ANXA13: variants seen among roughly 807,000 people sequenced by gnomAD.
ANXA13 encodes the protein annexin A13.
Under a neutral mutation model 46.6 loss-of-function variants are expected in ANXA13, and 36 were observed. The ratio of observed to expected loss-of-function variants is 0.77; its 90% CI spans 0.59 to 1.02. The LOEUF is 1.02. Ranked by LOEUF, ANXA13 falls within the 50% of genes least tolerant of loss-of-function variation. The pLI, the probability that ANXA13 is intolerant of heterozygous loss-of-function variation, is 0.00. For missense variants in ANXA13, 417 were observed against 396.5 expected, an observed-to-expected ratio of 1.05 and a Z score of -0.44; for synonymous variants, 163 against 152.9, an observed-to-expected ratio of 1.07 and a Z score of -0.49.
rs1335922629 is a variant in ANXA13 at position 123,688,959 on chromosome 8, C to A, written c.643-13G>T. ...CTTTGCCAATGAGCTGCAGCGAAAA[C>A]CAAAATCAACTGTTATTCCAGGTTT... is the stretch of plus-strand genomic sequence containing the variant. On this transcript the variant is annotated splice_polypyrimidine_tract_variant and intron_variant, in intron 8 of 10. Coordinates refer to ENST00000419625, the MANE Select transcript of ANXA13 (RefSeq NM_004306.4). The A allele has an allele frequency of 1.9e-6, 3 of 1,613,114 alleles. No individual in the cohort carries two copies. Among genetic ancestry groups the A allele is most frequent in the Non-Finnish European group, 2.5e-6 (3 of 1,179,384 alleles).
intron 2 of ANXA13, among the ~76,000 whole-genome samples, chr8:123,708,487 C>A (rs1048746220): frequency 6.6e-6 from 1 of 152,180 alleles, no homozygotes; most frequent in East Asian, 1.9e-4. Flanking sequence ...CTGCAGCCCC[C>A]GCTCTGGTGC....
chr8:123,735,933 C>G, intron 1 of ANXA13: 1 of 1,517,794 alleles, frequency 6.6e-7, no homozygotes, highest in South Asian at 1.3e-5. Context: ...AGGCCAGCTG[C>G]TCCCTAGGTT....
chr8:123,709,427 T>C lies in ANXA13; in HGVS notation c.91+3251A>G, dbSNP rs563215735. Among the ~76,000 whole-genome samples, 28 of 151,670 alleles carry C rather than the reference T, an allele frequency of 1.8e-4. No homozygotes were observed. The East Asian group carries it at 5.3e-3, about 28-fold the overall frequency. ...CTTCTCTCTTTCTCTTCTCTCTCCCTATCTTCTTTCTTTTCCTCCCTCCTT... is the reference window on the plus strand; with the variant it reads ...CTTCTCTCTTTCTCTTCTCTCTCCCCATCTTCTTTCTTTTCCTCCCTCCTT... On this transcript the variant is annotated intron_variant, in intron 2 of 10. Coordinates refer to ENST00000419625, the MANE Select transcript of ANXA13 (RefSeq NM_004306.4).
chr8:123,693,596 C>A, intron 7 of ANXA13, 115 bp downstream of exon 7: 1 of 908,796 alleles, frequency 1.1e-6, no homozygotes. Flanking sequence ...CTAAGCATAT[C>A]TTTGTTTCTT....
chr8:123,706,224 CTA>C (rs1257844321), intron 2 of ANXA13, among the ~76,000 whole-genome samples: 2 of 152,224 alleles, frequency 1.3e-5, no homozygotes, highest in African/African-American at 2.4e-5. Flanking sequence ...ATTACTCATT[CTA>C]TGACACTATT....
At chr8:123,684,748 T>C (rs746188885) in intron 9 of ANXA13, 26 bp from the exon 10 acceptor site, 9 of 1,545,284 alleles carry the variant, frequency 5.8e-6, no homozygotes, top group Non-Finnish European at 8.1e-6. Flanking sequence ...GAAAAGAGAA[T>C]GTGAGGCTTT....
intron 8 of ANXA13, 125 bp downstream of exon 8, chr8:123,693,072 G>A (rs967612352): frequency 3.2e-5 from 25 of 787,670 alleles, no homozygotes; most frequent in African/African-American, 2.8e-4. Flanking sequence ...TAGGAAAATC[G>A]CCTCCAATTG....
At chr8:123,698,587 G>C (rs1421599048) in intron 3 of ANXA13, 28 bp from the exon 4 acceptor site, 1 of 1,611,290 alleles carries the variant, frequency 6.2e-7, no homozygotes, top group Non-Finnish European at 8.5e-7. Flanking sequence ...GAGACGTGCT[G>C]GGAATGGCCC....
At chr8:123,689,619 G>T (rs1813198071) in intron 8 of ANXA13, among the ~76,000 whole-genome samples, 1 of 152,114 alleles carries the variant, frequency 6.6e-6, no homozygotes, top group Non-Finnish European at 1.5e-5. Context: ...CTCACATATT[G>T]CTCTGCGCAG....
At chr8:123,706,193 C>T (rs1407702220) in intron 2 of ANXA13, among the ~76,000 whole-genome samples, 7 of 152,202 alleles carry the variant, frequency 4.6e-5, no homozygotes, top group African/African-American at 1.2e-4. Context: ...CCCGGAGCTT[C>T]GCCTCCATCG....
chr8:123,692,620 A>C (rs1309589391), intron 8 of ANXA13, among the ~76,000 whole-genome samples: 1 of 152,214 alleles, frequency 6.6e-6, no homozygotes, highest in East Asian at 1.9e-4. Context: ...AATGGTGGGC[A>C]CTGTTAGCCA....
At chr8:123,700,280 T>C (rs1813418156) in intron 3 of ANXA13, among the ~76,000 whole-genome samples, 1 of 152,196 alleles carries the variant, frequency 6.6e-6, no homozygotes, top group Non-Finnish European at 1.5e-5. Context: ...AAATCCCAGC[T>C]TCCCACTCTT....
At chr8:123,730,103 G>A (rs187909438) in intron 1 of ANXA13, among the ~76,000 whole-genome samples, 16 of 152,264 alleles carry the variant, frequency 1.1e-4, no homozygotes, top group Non-Finnish European at 2.4e-4. Flanking sequence ...TATTTTAGCC[G>A]ATGAGGGTGG....
chr8:123,699,602 G>C (rs1813405980), intron 3 of ANXA13, among the ~76,000 whole-genome samples: 1 of 152,178 alleles, frequency 6.6e-6, no homozygotes, highest in Non-Finnish European at 1.5e-5. Flanking sequence ...AGGAGAAATG[G>C]TCAAGGATGG....
intron 1 of ANXA13, chr8:123,728,185 T>A (rs572086959): frequency 6.6e-6 from 1 of 152,310 alleles, no homozygotes; most frequent in East Asian, 1.9e-4. Flanking sequence ...TAACATTCAT[T>A]ATGTGGAAAC....
chr8:123,709,194 AT>A (rs1411774258), intron 2 of ANXA13, among the ~76,000 whole-genome samples: 5 of 152,148 alleles, frequency 3.3e-5, no homozygotes, highest in Non-Finnish European at 7.4e-5. Context: ...GGCGATCCAC[AT>A]GCAACGAGGG....
At chr8:123,702,306 A>G (rs1277800855) in intron 3 of ANXA13, among the ~76,000 whole-genome samples, 1 of 152,232 alleles carries the variant, frequency 6.6e-6, no homozygotes, top group Non-Finnish European at 1.5e-5. Flanking sequence ...TTCCTGTATA[A>G]AGACCCACTT....
chr8:123,733,615 A>G (rs906243262), intron 1 of ANXA13, among the ~76,000 whole-genome samples: 1 of 152,260 alleles, frequency 6.6e-6, no homozygotes, highest in African/African-American at 2.4e-5. Context: ...ACCACTGAAC[A>G]GATGTTCTAA....
At chr8:123,713,365 C>G (rs1317794539) in intron 1 of ANXA13, among the ~76,000 whole-genome samples, 1 of 152,174 alleles carries the variant, frequency 6.6e-6, no homozygotes, top group Non-Finnish European at 1.5e-5. Flanking sequence ...ACAATACATG[C>G]ACTATTGCAT....
Sources: allele counts gnomAD v4.1 joint callset (sites outside exome capture counted in the v4.1 genomes callset), GRCh38; gene constraint gnomAD v4.1.1; transcripts MANE v1.5; gene names NCBI Gene and HGNC (gene_info 2026-07-23, HGNC 2026-07-21).